ARHGEF11: variants seen among roughly 807,000 people sequenced by gnomAD.
ARHGEF11 encodes Rho guanine exchange factor (GEF) 11.
ARHGEF11 carries 55 observed loss-of-function variants against 193.7 expected under a neutral mutation model. That is an observed-to-expected ratio of 0.28 (90% confidence interval 0.23 to 0.36). The LOEUF (loss-of-function observed/expected upper bound fraction) is 0.36. ARHGEF11 is among the 10% of genes least tolerant of loss of function. ARHGEF11 has a pLI of 1.00. For synonymous variants in ARHGEF11, 693 were observed against 768.0 expected, an observed-to-expected ratio of 0.90 and a Z score of 1.62; for missense variants, 1,723 against 2,005.6, an observed-to-expected ratio of 0.86 and a Z score of 2.69.
chr1:156,988,272 C>T (rs16837923), intron 1 of ARHGEF11, among the ~76,000 whole-genome samples: 4,102 of 152,258 alleles, frequency 0.027, 73 homozygotes, highest in South Asian at 0.055. Flanking sequence ...CAGTGCCTGA[C>T]GCAATAGGGA....
At chr1:156,959,943 C>A (rs11264590) in intron 15 of ARHGEF11, among the ~76,000 whole-genome samples, 35,651 of 96,024 alleles carry the variant, frequency 0.37, 5,557 homozygotes, top group African/African-American at 0.49. Flanking sequence ...CCCCCCCCCC[C>A]AAAAAAAACA....
intron 1 of ARHGEF11, among the ~76,000 whole-genome samples, chr1:157,025,714 G>A (rs1475303224): frequency 6.6e-6 from 1 of 152,146 alleles, no homozygotes; most frequent in Non-Finnish European, 1.5e-5. Context: ...TTCAAGGGAG[G>A]ATAGATCAAG....
chr1:156,939,023 C>T, intron 37 of ARHGEF11: 1 of 193,820 alleles, frequency 5.2e-6, no homozygotes, highest in Non-Finnish European at 1.0e-5. Flanking sequence ...TCCCTGCCAC[C>T]TTGTTCACTC....
At chr1:157,016,860 G>A (rs1257479810) in intron 1 of ARHGEF11, among the ~76,000 whole-genome samples, 1 of 151,600 alleles carries the variant, frequency 6.6e-6, no homozygotes, top group African/African-American at 2.4e-5. Context: ...CATCCAGGCT[G>A]GAGTGCAGTA....
chr1:156,974,717 T>C (rs1663020675), intron 7 of ARHGEF11, among the ~76,000 whole-genome samples: 1 of 152,208 alleles, frequency 6.6e-6, no homozygotes, highest in South Asian at 2.1e-4. Flanking sequence ...TTTCTGTTCA[T>C]GAATCTGCAT....
At chr1:156,986,438 C>T (rs992226946) in intron 1 of ARHGEF11, among the ~76,000 whole-genome samples, 3 of 151,984 alleles carry the variant, frequency 2.0e-5, no homozygotes, top group South Asian at 2.1e-4. Flanking sequence ...TGGAGTTAGG[C>T]GACAAAGAGA....
intron 8 of ARHGEF11, among the ~76,000 whole-genome samples, chr1:156,970,844 A>C (rs1285837391): frequency 1.3e-5 from 2 of 152,212 alleles, no homozygotes; most frequent in Admixed American, 6.5e-5. Context: ...AAGAGTCTTT[A>C]AGCTGATGAG....
rs1453457528 is a variant in ARHGEF11 at position 156,941,967 on chromosome 1, C to A, written c.3349G>T (p.Ala1117Ser). 1 of 1,613,948 alleles carries A rather than the reference C, an allele frequency of 6.2e-7. No individual in the cohort carries two copies. The highest frequency in any genetic ancestry group is 8.5e-7 in the Non-Finnish European group (1 of 1,180,008). Reference sequence around the variant, plus strand: ...GGGTGCCTGGTGGCATTCCGCACGGCCTCTTCTAAGAGCTCCATCCATCTG... The same window carrying A: ...GGGTGCCTGGTGGCATTCCGCACGGACTCTTCTAAGAGCTCCATCCATCTG... ...KNTWMELLEEAVRNATRHPGA... is the reference protein window; with the variant it reads ...KNTWMELLEESVRNATRHPGA... The change falls in exon 34 of 41, where the codon GCC becomes TCC. Residue 1117 changes from alanine (A) to serine (S), a missense_variant. Coordinates refer to ENST00000368194, the MANE Select transcript of ARHGEF11 (RefSeq NM_198236.3).
At chr1:156,974,726 A>G (rs921464651) in intron 7 of ARHGEF11, among the ~76,000 whole-genome samples, 3 of 152,162 alleles carry the variant, frequency 2.0e-5, no homozygotes, top group African/African-American at 7.2e-5. Flanking sequence ...ATGAATCTGC[A>G]TATTTCGGAC....
In ARHGEF11 at chr1:156,943,917, G is replaced by T; in HGVS notation, c.3235+18C>A. On this transcript the variant is annotated intron_variant, in intron 32 of 40. Coordinates refer to ENST00000368194, the MANE Select transcript of ARHGEF11 (RefSeq NM_198236.3). The stretch of plus-strand genomic sequence containing the variant: ...GGTCCCTGAGCCCCAGGCCAGCCTG[G>T]ACCATCTCCCCAGGTACCTGTGGCC... The T allele has an allele frequency of 6.2e-7, 1 of 1,603,042 alleles. No homozygotes were observed. Among genetic ancestry groups the T allele is most frequent in the South Asian group, 1.1e-5 (1 of 89,854 alleles).
chr1:156,983,478 T>A (rs1046542632), intron 3 of ARHGEF11, among the ~76,000 whole-genome samples: 4 of 152,206 alleles, frequency 2.6e-5, no homozygotes, highest in African/African-American at 9.7e-5. Context: ...AGCCTCGGCC[T>A]CCCATAGTGC....
chr1:157,013,299 A>ACCCC (rs1553228536), intron 1 of ARHGEF11, among the ~76,000 whole-genome samples: 5 of 148,624 alleles, frequency 3.4e-5, no homozygotes, highest in Non-Finnish European at 6.0e-5. Flanking sequence ...ACACACACAC[A>ACCCC]CCAAGAACCT....
chr1:156,979,361 C>CTTTTT lies in ARHGEF11; in HGVS notation c.274-80_274-76dup, dbSNP rs36031299. On this transcript the variant is annotated intron_variant, in intron 4 of 40. Coordinates refer to ENST00000368194, the MANE Select transcript of ARHGEF11 (RefSeq NM_198236.3). ...ATCCTTCTGTAAGTTCAAAATGCCA[C>CTTTTT]TTTTTTTTTTTTTTTTTTTTTTGAG... 1.9e-3 allele frequency: 947 copies of CTTTTT among 506,040 alleles called. 1 individual carries two copies. Among genetic ancestry groups the CTTTTT allele is most frequent in the South Asian group, 5.1e-3 (210 of 40,838 alleles). The allele number at this position is 506,040 out of a possible 1,614,324, so 31.3% of individuals were successfully genotyped here.
At chr1:157,038,029 C>CAAAAA (rs145416871) in intron 1 of ARHGEF11, among the ~76,000 whole-genome samples, 14 of 45,510 alleles carry the variant, frequency 3.1e-4, no homozygotes, top group African/African-American at 5.5e-4. Context: ...AAGACTGTCT[C>CAAAAA]AAAAAAAAAA....
At chr1:157,037,225 C>T (rs773121683) in intron 1 of ARHGEF11, among the ~76,000 whole-genome samples, 1 of 152,144 alleles carries the variant, frequency 6.6e-6, no homozygotes, top group Non-Finnish European at 1.5e-5. Context: ...TCCTCTTTGT[C>T]CCCACCATAA....
chr1:156,999,266 T>A (rs883425), intron 1 of ARHGEF11, among the ~76,000 whole-genome samples: 22,663 of 152,148 alleles, frequency 0.15, 1,813 homozygotes, highest in South Asian at 0.24. Flanking sequence ...GAGGTTCAGC[T>A]AAGTTACATA....
In ARHGEF11 at chr1:156,961,881, C is replaced by A. The variant is rs1014840214; in HGVS notation, c.1141-106G>T. 4 of 948,242 alleles carry A rather than the reference C, an allele frequency of 4.2e-6. No homozygotes were observed. In the African/African-American group the frequency reaches 4.9e-5, roughly 12 times the overall value. 58.7% of individuals were successfully genotyped at this position (948,242 alleles called of 1,614,324 possible). ...CTGGAGACATTTTTAGTTGTTACAA[C>A]TACTGGGCAAGTGCGGTGCTACTGG... On this transcript the variant is annotated intron_variant, in intron 13 of 40. Coordinates refer to ENST00000368194, the MANE Select transcript of ARHGEF11 (RefSeq NM_198236.3).
Position 156,947,309 on chromosome 1 carries a change from A to T in ARHGEF11, c.2483T>A (p.Ile828Asn). 1.9e-6 allele frequency: 3 copies of T among 1,604,252 alleles called. No individual in the cohort carries two copies. Among genetic ancestry groups the T allele is most frequent in the Non-Finnish European group, 1.7e-6 (2 of 1,176,648 alleles). ...LFPNLPELIE[I>N]HNSWCEAMKK... ...GAGGGGCACAGGCTCCTTACTGTGA[A>T]TCTCTATGAGTTCAGGCAGGTTCGG... Residue 828 changes from isoleucine (I) to asparagine (N), a missense_variant, in exon 26 of 41, where the codon ATT becomes AAT. Physicochemically the swap from Ile to Asn is moderately radical, Grantham distance 149. Transcript: ENST00000368194.
At position 156,970,047 on chromosome 1, in the gene ARHGEF11, A is replaced by T. The variant is rs754271269; in HGVS notation, c.703-4T>A. On this transcript the variant is annotated splice_region_variant and splice_polypyrimidine_tract_variant and intron_variant, in intron 8 of 40. Transcript: ENST00000368194. ...CACCATATAGTGGAAGTATGTCCTG[A>T]AACAGAAAGGCCCACAGGGTGGGCA... is the stretch of plus-strand genomic sequence containing the variant. 6.2e-7 allele frequency: 1 copy of T among 1,613,918 alleles called. No individual in the cohort carries two copies. Among genetic ancestry groups the T allele is most frequent in the South Asian group, 1.1e-5 (1 of 91,068 alleles).
Sources: allele counts gnomAD v4.1 joint callset (sites outside exome capture counted in the v4.1 genomes callset), GRCh38; gene constraint gnomAD v4.1.1; transcripts MANE v1.5; gene names NCBI Gene and HGNC (gene_info 2026-07-23, HGNC 2026-07-21).